MYOM1: variants seen among roughly 807,000 people sequenced by gnomAD.
MYOM1 encodes myomesin 1, also known as myomesin-1.
MYOM1 carries 164 observed loss-of-function variants against 205.3 expected under a neutral mutation model. That is an observed-to-expected ratio of 0.80 (90% CI 0.70 to 0.91). The LOEUF is 0.91. Among genes scored for constraint, MYOM1 ranks in the 40% least tolerant of loss-of-function variants. The pLI, the probability that MYOM1 is intolerant of heterozygous loss-of-function variation, is 0.00. For missense variants in MYOM1, 2,011 were observed against 2,127.3 expected (o/e 0.95, Z 1.08); for synonymous variants, 772 against 789.4 (o/e 0.98, Z 0.37).
chr18:3,194,484 G>A (rs575212073), intron 2 of MYOM1, among the ~76,000 whole-genome samples: 1 of 152,172 alleles, frequency 6.6e-6, no homozygotes, highest in Non-Finnish European at 1.5e-5. Context: ...ATATTTTATG[G>A]GAACACACGA....
rs1170244823 is a variant in MYOM1 at position 3,083,739 on chromosome 18, C to T, written c.4484+50G>A. On this transcript the variant is annotated intron_variant, in intron 33 of 37. Coordinates refer to ENST00000356443, the MANE Select transcript of MYOM1 (RefSeq NM_003803.4). ...GGGATTACAGGTGTGAGCTGCCGCG[C>T]CTGGCAGGGAAAGAATTTCTACACA... The T allele has an allele frequency of 6.2e-6, 9 of 1,445,842 alleles. No homozygotes were observed. In the South Asian group the frequency reaches 9.8e-5, roughly 16 times the overall value. 89.6% of individuals were successfully genotyped at this position (1,445,842 alleles called of 1,614,324 possible).
chr18:3,077,086 T>G (rs1407154599), intron 34 of MYOM1, among the ~76,000 whole-genome samples: 1 of 151,860 alleles, frequency 6.6e-6, no homozygotes, highest in Non-Finnish European at 1.5e-5. Context: ...AATCATAGCT[T>G]GAGGTAGCCT....
chr18:3,180,832 A>G (rs2144114998), intron 5 of MYOM1, among the ~76,000 whole-genome samples: 1 of 152,286 alleles, frequency 6.6e-6, no homozygotes, highest in East Asian at 1.9e-4. Context: ...GTATGGGGTC[A>G]CAGTAAAAGC....
intron 2 of MYOM1, among the ~76,000 whole-genome samples, chr18:3,199,021 G>A (rs751127041): frequency 1.3e-5 from 2 of 152,068 alleles, no homozygotes; most frequent in Non-Finnish European, 2.9e-5. Context: ...AATCAAAGGC[G>A]TACACTACAC....
At chr18:3,072,611 CCCAAAT>C (rs2143628008) in intron 36 of MYOM1, among the ~76,000 whole-genome samples, 1 of 152,130 alleles carries the variant, frequency 6.6e-6, no homozygotes, top group Admixed American at 6.5e-5. Flanking sequence ...GCCTCTGCCT[CCCAAAT>C]TGCTGGGATT....
chr18:3,177,583 T>C (rs1244903133), intron 5 of MYOM1, among the ~76,000 whole-genome samples: 3 of 152,014 alleles, frequency 2.0e-5, no homozygotes, highest in Non-Finnish European at 4.4e-5. Context: ...GTGATTCTCC[T>C]GCCTCAGCCT....
rs994635041 is a variant in MYOM1, at chr18:3,176,243, A to C, written c.930-109T>G. 6.1e-6 allele frequency: 4 copies of C among 659,186 alleles called. No individual in the cohort carries two copies. In the African/African-American group the frequency reaches 7.2e-5, roughly 12 times the overall value. 40.8% of individuals were successfully genotyped at this position (659,186 alleles called of 1,614,324 possible). ...AGGAACATCTGTAAACAGGGCACTG[A>C]GGGTAGCAGCAGCATCGATTAAATA... On this transcript the variant is annotated intron_variant, in intron 5 of 37. Transcript: ENST00000356443.
At chr18:3,091,876 C>T (rs149063791) in intron 26 of MYOM1, among the ~76,000 whole-genome samples, 6,026 of 152,026 alleles carry the variant, frequency 0.04, 167 homozygotes, top group Non-Finnish European at 0.063. Context: ...GGACTACAGG[C>T]GTGTGCCACC....
chr18:3,174,089 A>G (rs1249120951), intron 7 of MYOM1, 31 bp downstream of exon 7: 3 of 1,610,714 alleles, frequency 1.9e-6, no homozygotes, highest in East Asian at 4.5e-5. Flanking sequence ...ACACACACAC[A>G]CTTTGAAGAA....
At chr18:3,097,911 A>G (rs895996475) in intron 25 of MYOM1, among the ~76,000 whole-genome samples, 1 of 152,226 alleles carries the variant, frequency 6.6e-6, no homozygotes, top group Non-Finnish European at 1.5e-5. Flanking sequence ...TTCTCTCTCC[A>G]AGTCCATATG....
chr18:3,226,763 C>T, the MYOM1 span, among the ~76,000 whole-genome samples: 2 of 152,146 alleles, frequency 1.3e-5, no homozygotes, highest in African/African-American at 2.4e-5. The surrounding 1 kb of genome is among the most constrained non-coding windows in gnomAD (Gnocchi z 4.6). Flanking sequence ...AAGCTCCTGA[C>T]CCACAACAGG....
chr18:3,067,169 A>C lies in MYOM1; in HGVS notation c.*93T>G. 1.5e-6 allele frequency: 2 copies of C among 1,355,470 alleles called. No individual in the cohort carries two copies. Among genetic ancestry groups the C allele is most frequent in the Non-Finnish European group, 2.0e-6 (2 of 1,006,264 alleles). 84.0% of individuals were successfully genotyped at this position (1,355,470 alleles called of 1,614,324 possible). A position where few individuals can be genotyped will look rare whatever the true frequency, so the allele number is the denominator to read the frequency against. On this transcript the variant is annotated 3_prime_UTR_variant, in exon 38 of 38. Transcript: ENST00000356443. ...TATTTTCCCCTCAAGCCAGAAAATA[A>C]TAGGGAGGAGAAAGCATGAAGACGT... is the stretch of plus-strand genomic sequence containing the variant.
chr18:3,104,048 T>C (rs1190822902), intron 22 of MYOM1, among the ~76,000 whole-genome samples: 1 of 152,350 alleles, frequency 6.6e-6, no homozygotes, highest in South Asian at 2.1e-4. Flanking sequence ...TCCTTAATTG[T>C]CCACCATATG....
intron 34 of MYOM1, among the ~76,000 whole-genome samples, chr18:3,077,091 TA>T (rs2079028513): frequency 1.3e-5 from 2 of 151,298 alleles, no homozygotes; most frequent in South Asian, 4.2e-4. Flanking sequence ...TAGCTTGAGG[TA>T]GCCTCGAACT....
intron 25 of MYOM1, among the ~76,000 whole-genome samples, chr18:3,096,428 C>T (rs1054211850): frequency 7.3e-5 from 11 of 150,504 alleles, no homozygotes; most frequent in African/African-American, 2.0e-4. Flanking sequence ...CCTCTAGTTG[C>T]TTCTACAACA....
rs1365772094 is a variant in MYOM1, at chr18:3,126,127, T to C, written c.2991+574A>G. On this transcript the variant is annotated intron_variant, in intron 19 of 37. Transcript: ENST00000356443. ...TAAAAATAGAAAATTTAGCTGAGCA[T>C]GGTGGCTTTCACTTGCAATCCCAGC... is the stretch of plus-strand genomic sequence containing the variant. 4.6e-5 allele frequency among the ~76,000 whole-genome samples: 7 copies of C among 152,118 alleles called. No homozygotes were observed. The East Asian group carries it at 1.2e-3, about 25-fold the overall frequency.
rs116810907 is a variant in MYOM1 at position 3,187,029 on chromosome 18, C to G, written c.929+451G>C. Among the ~76,000 whole-genome samples, 632 of 152,172 alleles carry G rather than the reference C, an allele frequency of 4.2e-3. 5 individuals are homozygous for G. The highest frequency in any genetic ancestry group is 0.014 in the African/African-American group (592 of 41,514). ...GAAGAAAGGCACATTGAGGCCTCAGCTCACATGAGGGGTAGAGATGGGAGT... is the reference window on the plus strand; with the variant it reads ...GAAGAAAGGCACATTGAGGCCTCAGGTCACATGAGGGGTAGAGATGGGAGT... On this transcript the variant is annotated intron_variant, in intron 5 of 37. Transcript: ENST00000356443.
chr18:3,221,702 G>A (rs1243368027), upstream of MYOM1, among the ~76,000 whole-genome samples: 7 of 152,152 alleles, frequency 4.6e-5, no homozygotes, highest in African/African-American at 1.2e-4. Context: ...TGTAATAGAC[G>A]GTTAGCTTCT....
At chr18:3,134,299 C>T (rs1598708028) in intron 16 of MYOM1, among the ~76,000 whole-genome samples, 1 of 152,148 alleles carries the variant, frequency 6.6e-6, no homozygotes, top group South Asian at 2.1e-4. Context: ...TGTAGTTGAA[C>T]TCAAGTTGAA....
Sources: allele counts gnomAD v4.1 joint callset (sites outside exome capture counted in the v4.1 genomes callset), GRCh38; gene constraint gnomAD v4.1.1; non-coding constraint Gnocchi (gnomAD v3.1); transcripts MANE v1.5; gene names NCBI Gene and HGNC (gene_info 2026-07-23, HGNC 2026-07-21).